The following POLB variants were observed in gnomAD, a reference collection of about 807,000 sequenced individuals.
POLB encodes DNA polymerase beta, also known as 5'-dRP lyase.
A neutral mutation model predicts 52.7 loss-of-function variants in POLB; 37 were observed. That is an observed-to-expected ratio of 0.70 (90% CI 0.54 to 0.92). The LOEUF is 0.92. POLB is among the 40% of genes least tolerant of loss of function. The pLI is 0.00. For missense variants in POLB, 313 were observed against 400.8 expected (o/e 0.78, Z 1.87); for synonymous variants, 138 against 131.3 (o/e 1.05, Z -0.35).
intron 7 of POLB, among the ~76,000 whole-genome samples, chr8:42,355,954 C>G (rs187501778): frequency 6.6e-6 from 1 of 151,900 alleles, no homozygotes; most frequent in Non-Finnish European, 1.5e-5. Flanking sequence ...ATAGTCTACC[C>G]GAGAAGGTAG....
intron 2 of POLB, chr8:42,342,776 C>T: frequency 3.1e-6 from 1 of 325,512 alleles, no homozygotes; most frequent in Non-Finnish European, 5.8e-6. Flanking sequence ...GGGTGGATGG[C>T]ATGAACCCAG....
chr8:42,355,134 G>A (rs981129366), intron 6 of POLB, among the ~76,000 whole-genome samples: 9 of 151,832 alleles, frequency 5.9e-5, no homozygotes, highest in African/African-American at 1.7e-4. Flanking sequence ...CACCTCCCAG[G>A]TTCAAGCGAT....
At chr8:42,363,792 A>G (rs2130846037) in intron 11 of POLB, among the ~76,000 whole-genome samples, 1 of 152,264 alleles carries the variant, frequency 6.6e-6, no homozygotes, top group Non-Finnish European at 1.5e-5. Context: ...ATGGAATGAT[A>G]ATGAGGAAAG....
intron 3 of POLB, among the ~76,000 whole-genome samples, chr8:42,348,743 A>G (rs1352592354): frequency 1.3e-5 from 2 of 152,242 alleles, no homozygotes; most frequent in African/African-American, 4.8e-5. Context: ...ATTATTATGC[A>G]TTTATACAAT....
intron 5 of POLB, among the ~76,000 whole-genome samples, chr8:42,351,850 G>A (rs970843044): frequency 3.3e-5 from 5 of 152,258 alleles, no homozygotes; most frequent in Non-Finnish European, 5.9e-5. Flanking sequence ...TAACACCTGC[G>A]TACTGTTCCA....
intron 2 of POLB, chr8:42,342,479 C>T (rs1822267017): frequency 1.9e-6 from 2 of 1,061,038 alleles, no homozygotes; most frequent in Non-Finnish European, 1.4e-6. Flanking sequence ...GTTATATGAA[C>T]TATCATCCTC....
At chr8:42,349,555 A>G (rs920175191) in intron 4 of POLB, among the ~76,000 whole-genome samples, 5 of 151,848 alleles carry the variant, frequency 3.3e-5, no homozygotes, top group Non-Finnish European at 5.9e-5. Flanking sequence ...CACCCAGCTA[A>G]TTTTTTGCAT....
intron 2 of POLB, chr8:42,342,380 A>C: frequency 2.0e-6 from 3 of 1,485,920 alleles, no homozygotes; most frequent in Non-Finnish European, 2.8e-6. Flanking sequence ...TTCACACCAT[A>C]TTTTGGCAGT....
At chr8:42,339,180 G>T in intron 2 of POLB, 111 bp downstream of exon 2, 2 of 827,272 alleles carry the variant, frequency 2.4e-6, no homozygotes, top group Non-Finnish European at 4.2e-6. Context: ...GCAAGAGCGG[G>T]AAAAAGCAAG....
chr8:42,360,345 G>T (rs374707142), intron 9 of POLB, among the ~76,000 whole-genome samples: 1 of 152,082 alleles, frequency 6.6e-6, no homozygotes, highest in Non-Finnish European at 1.5e-5. Flanking sequence ...TGGGAGGATC[G>T]CAAAGACACT....
At chr8:42,342,245 T>C (rs1190125483) in intron 2 of POLB, 45 of 1,545,178 alleles carry the variant, frequency 2.9e-5, no homozygotes, top group Middle Eastern at 2.3e-4. Context: ...GCTTTCTACA[T>C]TGTATTATCG....
chr8:42,371,375 G>A (rs1329395096), intron 13 of POLB, among the ~76,000 whole-genome samples, 188 bp from the exon 14 acceptor site: 1 of 151,558 alleles, frequency 6.6e-6, no homozygotes, highest in Non-Finnish European at 1.5e-5. Context: ...TACCTGCCTC[G>A]GCCTCCCAAA....
At chr8:42,360,910 A>C (rs55780633) in intron 9 of POLB, among the ~76,000 whole-genome samples, 1 of 152,214 alleles carries the variant, frequency 6.6e-6, no homozygotes, top group Non-Finnish European at 1.5e-5. Context: ...TAACCTTTAT[A>C]GAGTTAGAGT....
intron 7 of POLB, among the ~76,000 whole-genome samples, chr8:42,355,860 T>C (rs1475702995): frequency 1.3e-5 from 2 of 152,220 alleles, no homozygotes; most frequent in Non-Finnish European, 2.9e-5. Context: ...AGCGGGTGTT[T>C]ATTTCATGCT....
At chr8:42,346,285 A>G (rs1174594710) in intron 3 of POLB, among the ~76,000 whole-genome samples, 1 of 151,894 alleles carries the variant, frequency 6.6e-6, no homozygotes, top group African/African-American at 2.4e-5. Flanking sequence ...TTTACCTATT[A>G]ATGTTTCACA....
chr8:42,346,010 C>T (rs1306110206), intron 3 of POLB, among the ~76,000 whole-genome samples: 1 of 152,198 alleles, frequency 6.6e-6, no homozygotes, highest in Non-Finnish European at 1.5e-5. Flanking sequence ...CAGCCTCCGC[C>T]TCCAGGGTTC....
intron 13 of POLB, 106 bp downstream of exon 13, chr8:42,370,094 T>A: frequency 1.2e-6 from 1 of 862,360 alleles, no homozygotes; most frequent in Non-Finnish European, 1.9e-6. Flanking sequence ...CCAGTTAGTG[T>A]AGTTTCTTTG....
At chr8:42,338,827 C>T in intron 1 of POLB, 142 bp downstream of exon 1, 1 of 989,654 alleles carries the variant, frequency 1.0e-6, no homozygotes, top group Middle Eastern at 2.1e-4. Context: ...CTCCCTCCGG[C>T]GCCCCTGGCT....
intron 11 of POLB, among the ~76,000 whole-genome samples, chr8:42,364,130 T>C (rs1434342188): frequency 1.3e-5 from 2 of 152,184 alleles, no homozygotes; most frequent in Non-Finnish European, 2.9e-5. Context: ...TTTCACCATG[T>C]TGGCTGGGCT....
Sources: allele counts gnomAD v4.1 joint callset (sites outside exome capture counted in the v4.1 genomes callset), GRCh38; gene constraint gnomAD v4.1.1; transcripts MANE v1.5; gene names NCBI Gene and HGNC (gene_info 2026-07-23, HGNC 2026-07-21).